Variants in RBFOX1 observed in about 807,000 individuals in gnomAD.
RBFOX1 encodes RNA binding fox-1 homolog 1, also known as RNA binding protein fox-1 homolog 1.
In RBFOX1, 8 loss-of-function variants were observed where a neutral mutation model predicts 57.7. The ratio of observed to expected loss-of-function variants is 0.14; its 90% CI spans 0.08 to 0.25. The LOEUF (loss-of-function observed/expected upper bound fraction) is 0.25, where lower values mean the gene tolerates loss of function less well. Ranked by LOEUF, RBFOX1 falls within the 10% of genes least tolerant of loss-of-function variation. RBFOX1 has a pLI of 1.00. For synonymous variants in RBFOX1, 326 were observed against 222.4 expected (o/e 1.47, Z -4.15); for missense variants, 611 against 548.5 (o/e 1.11, Z -1.14).
intron 3 of RBFOX1, among the ~76,000 whole-genome samples, chr16:6,817,532 T>TAAAAAA (rs71145302): frequency 7.8e-6 from 1 of 127,586 alleles, no homozygotes; most frequent in Non-Finnish European, 1.6e-5. Context: ...TTTCTTTGCT[T>TAAAAAA]AAAAAAAAAA....
intron 3 of RBFOX1, among the ~76,000 whole-genome samples, chr16:6,998,598 T>C: frequency 6.6e-6 from 1 of 152,206 alleles, no homozygotes. Context: ...TATATCATTG[T>C]GATCGATGAC....
chr16:6,077,785 T>C (rs2095930737), intron 1 of RBFOX1, among the ~76,000 whole-genome samples: 1 of 152,018 alleles, frequency 6.6e-6, no homozygotes, highest in African/African-American at 2.4e-5. Flanking sequence ...GGTGCAGTCA[T>C]AGCTCACTGC....
At chr16:6,064,066 T>C (rs191941606) in intron 1 of RBFOX1, among the ~76,000 whole-genome samples, 1 of 152,302 alleles carries the variant, frequency 6.6e-6, no homozygotes, top group Admixed American at 6.5e-5. Context: ...GTACATATTG[T>C]ATGCGAGTAT....
chr16:7,346,824 CAA>C lies in RBFOX1; in HGVS notation c.28-171321_28-171320del, dbSNP rs1211715246. On this transcript the variant is annotated intron_variant, in intron 4 of 15. Coordinates refer to ENST00000550418, the MANE Select transcript of RBFOX1 (RefSeq NM_018723.4). ...TCCACCATTCTGAATCTCAAGAAAC[CAA>C]AGATGATTCTTGAATGTGTGTTTTT... Among the ~76,000 whole-genome samples the C allele has an allele frequency of 2.0e-5, 3 of 152,150 alleles. No homozygotes were observed. The East Asian group carries it at 5.8e-4, about 29-fold the overall frequency.
chr16:5,768,807 C>A (rs1375136804), intron 3 of RBFOX1, among the ~76,000 whole-genome samples: 1 of 152,132 alleles, frequency 6.6e-6, no homozygotes, highest in Non-Finnish European at 1.5e-5. Context: ...GGAGTCCCCT[C>A]CACGGAACAT....
chr16:6,041,590 C>T (rs985100495), intron 1 of RBFOX1, among the ~76,000 whole-genome samples: 1 of 152,068 alleles, frequency 6.6e-6, no homozygotes, highest in African/African-American at 2.4e-5. Context: ...AGCCACATAC[C>T]TCATAAGTGG....
chr16:7,153,178 A>G (rs961882325), intron 4 of RBFOX1, among the ~76,000 whole-genome samples: 26 of 139,156 alleles, frequency 1.9e-4, no homozygotes, highest in African/African-American at 7.0e-4. Flanking sequence ...CGTCTGTGTC[A>G]CTGGTGGACA....
intron 4 of RBFOX1, among the ~76,000 whole-genome samples, chr16:7,163,543 C>G (rs1437951623): frequency 3.9e-5 from 6 of 152,160 alleles, no homozygotes. Flanking sequence ...GTCTCTCTCC[C>G]TCTTCTTCCA....
chr16:6,811,123 T>A (rs1428211289), intron 3 of RBFOX1, among the ~76,000 whole-genome samples: 1 of 152,192 alleles, frequency 6.6e-6, no homozygotes, highest in Non-Finnish European at 1.5e-5. Context: ...AAAGCCGATT[T>A]TGCTGAGTAA....
chr16:7,574,278 T>G (rs1458285978), intron 5 of RBFOX1, among the ~76,000 whole-genome samples: 2 of 151,988 alleles, frequency 1.3e-5, no homozygotes, highest in Admixed American at 6.5e-5. Context: ...CTTTGGAGAG[T>G]CTCATTGAAG....
At chr16:5,382,549 C>T (rs1035914531) in intron 1 of RBFOX1, among the ~76,000 whole-genome samples, 5 of 152,138 alleles carry the variant, frequency 3.3e-5, no homozygotes, top group African/African-American at 1.2e-4. Context: ...ACAGGACTCA[C>T]CTCCTCGTCT....
In RBFOX1 at chr16:6,882,705, G is replaced by C. The variant is rs2063201436; in HGVS notation, c.-15-169352G>C. Among the ~76,000 whole-genome samples the C allele has an allele frequency of 2.0e-5, 3 of 152,102 alleles. No individual in the cohort carries two copies. The South Asian group carries it at 6.2e-4, about 32-fold the overall frequency. ...TATGGATAACAACCATTCAGTTTGG[G>C]ATATTTGGAGTCTGACATAACCAAC... On this transcript the variant is annotated intron_variant, in intron 3 of 15. Coordinates refer to ENST00000550418, the MANE Select transcript of RBFOX1 (RefSeq NM_018723.4).
Position 7,107,421 on chromosome 16 carries a change from G to T in RBFOX1, c.27+55323G>T, listed in dbSNP as rs189244505. Among the ~76,000 whole-genome samples, 11 of 152,244 alleles carry T rather than the reference G, an allele frequency of 7.2e-5. No homozygotes were observed. In the South Asian group the frequency reaches 2.3e-3, roughly 32 times the overall value. The stretch of plus-strand genomic sequence containing the variant: ...GCTGGACCTCACCTTAGGATTCCTC[G>T]ATTCTTGTACAACACTCCTCTCCTT... On this transcript the variant is annotated intron_variant, in intron 4 of 15. Transcript: ENST00000550418.
At chr16:6,914,064 C>A (rs137912061) in intron 3 of RBFOX1, among the ~76,000 whole-genome samples, 1 of 152,142 alleles carries the variant, frequency 6.6e-6, no homozygotes, top group East Asian at 1.9e-4. Flanking sequence ...GTTAGAAACC[C>A]ATCTTTTGTT....
At chr16:5,306,850 T>C (rs1159185670) in intron 1 of RBFOX1, among the ~76,000 whole-genome samples, 2 of 152,144 alleles carry the variant, frequency 1.3e-5, no homozygotes, top group African/African-American at 4.8e-5. Context: ...AGTTTCAGCC[T>C]CCTCCATGTT....
Position 7,651,955 on chromosome 16 carries a change from C to T in RBFOX1, c.758-1860C>T, listed in dbSNP as rs372097805. Reference sequence around the variant, plus strand: ...GGGAGGGTTAGAGAAGCGAACTGAGCTTGAAGGAAAAGTGGTTTGCTGACT... The same window carrying T: ...GGGAGGGTTAGAGAAGCGAACTGAGTTTGAAGGAAAAGTGGTTTGCTGACT... On this transcript the variant is annotated intron_variant, in intron 11 of 15. Transcript: ENST00000550418. Among the ~76,000 whole-genome samples, 16 of 151,932 alleles carry T rather than the reference C, an allele frequency of 1.1e-4. 2 individuals are homozygous for T. The highest frequency in any genetic ancestry group is 6.6e-4 in the Admixed American group (10 of 15,266).
chr16:6,890,403 C>T (rs997779201), intron 3 of RBFOX1, among the ~76,000 whole-genome samples: 12 of 152,160 alleles, frequency 7.9e-5, no homozygotes, highest in African/African-American at 2.7e-4. Context: ...CCTGTAGTCC[C>T]AGCCACTTGG....
At chr16:7,647,930 G>A (rs2064081285) in intron 11 of RBFOX1, among the ~76,000 whole-genome samples, 1 of 152,130 alleles carries the variant, frequency 6.6e-6, no homozygotes, top group South Asian at 2.1e-4. Flanking sequence ...CTCTTTCTAT[G>A]TGGTCAAAAA....
At chr16:7,710,195 G>C (rs887274) in intron 15 of RBFOX1, 1 of 1,028,120 alleles carries the variant, frequency 9.7e-7, no homozygotes, top group Non-Finnish European at 1.2e-6. Flanking sequence ...TAAGAAGTAG[G>C]TTGAGATTTT....
Sources: gnomAD v4.1 joint callset for allele counts (sites outside exome capture counted in the v4.1 genomes callset) on GRCh38, gnomAD v4.1.1 for gene constraint, MANE v1.5 for transcripts, NCBI Gene and HGNC (gene_info 2026-07-23, HGNC 2026-07-21) for gene names.